The following LRP1B variants were observed in gnomAD, a reference collection of about 807,000 sequenced individuals.
LRP1B encodes the protein LDL receptor related protein 1B, also known as low-density lipoprotein receptor-related protein 1B.
Under a neutral mutation model 556.6 loss-of-function variants are expected in LRP1B, and 217 were observed. That is an observed-to-expected ratio of 0.39 (90% CI 0.35 to 0.44). The LOEUF (loss-of-function observed/expected upper bound fraction) is 0.44, where lower values mean the gene tolerates loss of function less well. Ranked by LOEUF, LRP1B falls within the 20% of genes least tolerant of loss-of-function variation. The probability of loss-of-function intolerance (pLI) is 1.00; values close to 1 mark genes in which losing one functional copy is unlikely to be tolerated. For missense variants in LRP1B, 5,053 were observed against 5,620.8 expected (o/e 0.90, Z 3.23); for synonymous variants, 2,047 against 1,865.8 (o/e 1.10, Z -2.50).
intron 41 of LRP1B, chr2:140,683,417 C>T: frequency 1.9e-6 from 1 of 531,996 alleles, no homozygotes; most frequent in Non-Finnish European, 3.6e-6. Flanking sequence ...AATGGGTTAT[C>T]AGTTGAGGTG....
intron 2 of LRP1B, among the ~76,000 whole-genome samples, chr2:141,650,833 G>T (rs950448373): frequency 6.6e-6 from 1 of 151,992 alleles, no homozygotes; most frequent in Non-Finnish European, 1.5e-5. Flanking sequence ...CACTAATCCC[G>T]AATTTATCTT....
intron 6 of LRP1B, among the ~76,000 whole-genome samples, chr2:141,191,184 T>G (rs543124955): frequency 6.6e-6 from 1 of 152,098 alleles, no homozygotes; most frequent in South Asian, 2.1e-4. Flanking sequence ...ACCATCTCTT[T>G]GGGTCTTCAT....
chr2:141,348,271 A>G (rs1338629818), intron 3 of LRP1B, among the ~76,000 whole-genome samples: 2 of 152,062 alleles, frequency 1.3e-5, no homozygotes, highest in Non-Finnish European at 2.9e-5. Flanking sequence ...AGAGGGTGGA[A>G]GAAGGGGAAC....
chr2:141,314,859 T>TATATATAC (rs200158135), intron 3 of LRP1B, among the ~76,000 whole-genome samples: 14,752 of 136,904 alleles, frequency 0.11, 1,167 homozygotes, highest in African/African-American at 0.19. Flanking sequence ...TATATATACA[T>TATATATAC]ATATATACAT....
intron 1 of LRP1B, among the ~76,000 whole-genome samples, chr2:141,849,454 C>G (rs1697769951): frequency 6.6e-6 from 1 of 151,526 alleles, no homozygotes; most frequent in African/African-American, 2.4e-5. Context: ...ACATTATGCC[C>G]AAATATCTAA....
intron 37 of LRP1B, among the ~76,000 whole-genome samples, chr2:140,704,774 T>G (rs931063133): frequency 3.3e-5 from 5 of 152,140 alleles, no homozygotes; most frequent in Non-Finnish European, 7.4e-5. Context: ...ATCATCTATT[T>G]TTAACATATT....
At chr2:140,797,857 A>G (rs1310743429) in intron 32 of LRP1B, among the ~76,000 whole-genome samples, 1 of 152,144 alleles carries the variant, frequency 6.6e-6, no homozygotes, top group African/African-American at 2.4e-5. Flanking sequence ...ATGACAAAAT[A>G]GTCAGTTTGC....
At chr2:140,451,598 T>C (rs1686888515) in intron 62 of LRP1B, among the ~76,000 whole-genome samples, 1 of 152,180 alleles carries the variant, frequency 6.6e-6, no homozygotes, top group African/African-American at 2.4e-5. Context: ...CTGAAAATAC[T>C]GCCTTTAGCC....
At chr2:140,734,093 T>C (rs1036676580) in intron 35 of LRP1B, among the ~76,000 whole-genome samples, 2 of 152,186 alleles carry the variant, frequency 1.3e-5, no homozygotes, top group Non-Finnish European at 2.9e-5. Context: ...ATGGGGCAGA[T>C]AAATTGAAAA....
intron 58 of LRP1B, among the ~76,000 whole-genome samples, chr2:140,486,264 C>T (rs1246520284): frequency 1.3e-5 from 2 of 151,722 alleles, no homozygotes; most frequent in South Asian, 2.1e-4. Context: ...CAAGAAAATG[C>T]CAATAAAATT....
chr2:142,120,917 C>T (rs943529946), intron 1 of LRP1B, among the ~76,000 whole-genome samples: 1 of 152,088 alleles, frequency 6.6e-6, no homozygotes, highest in Non-Finnish European at 1.5e-5. Flanking sequence ...ATATGACCAT[C>T]ATGTGACTTT....
intron 7 of LRP1B, among the ~76,000 whole-genome samples, chr2:141,169,176 C>T (rs1347811223): frequency 1.3e-5 from 2 of 151,582 alleles, no homozygotes; most frequent in Admixed American, 6.6e-5. Flanking sequence ...GTCCCAGCTA[C>T]TTGGGAGGCT....
chr2:140,587,945 A>T (rs578200647), intron 43 of LRP1B, among the ~76,000 whole-genome samples: 3 of 152,290 alleles, frequency 2.0e-5, no homozygotes, highest in African/African-American at 7.2e-5. Context: ...ATATTTCTCA[A>T]ATATGAAATG....
intron 1 of LRP1B, among the ~76,000 whole-genome samples, chr2:142,027,839 A>G (rs1703561989): frequency 6.6e-6 from 1 of 151,942 alleles, no homozygotes; most frequent in Non-Finnish European, 1.5e-5. Flanking sequence ...TCTTTCATTC[A>G]AAATCTGTAG....
At chr2:140,737,598 C>G (rs772965809) in intron 35 of LRP1B, among the ~76,000 whole-genome samples, 4 of 152,146 alleles carry the variant, frequency 2.6e-5, no homozygotes, top group Non-Finnish European at 4.4e-5. Flanking sequence ...AGAGCAATCA[C>G]AGTGGAAAGG....
chr2:140,335,539 GAC>G (rs1681041400), intron 78 of LRP1B, 74 bp downstream of exon 78: 2 of 891,972 alleles, frequency 2.2e-6, no homozygotes, highest in Non-Finnish European at 3.8e-6. Flanking sequence ...TCATTACAGA[GAC>G]AAAATCTATA....
chr2:140,272,258 A>AACACACACACACACACACACACACACAC (rs10654741), intron 85 of LRP1B, among the ~76,000 whole-genome samples: 2 of 149,320 alleles, frequency 1.3e-5, no homozygotes, highest in African/African-American at 4.9e-5. Flanking sequence ...TGCACACACA[A>AACACACACACACACACACACACACACAC]ACACACACAC....
intron 7 of LRP1B, among the ~76,000 whole-genome samples, chr2:141,128,188 A>G (rs185360659): frequency 2.2e-4 from 33 of 152,218 alleles, no homozygotes; most frequent in African/African-American, 7.7e-4. Context: ...AGAGTAATTT[A>G]TGTTTGGATT....
chr2:141,781,108 C>T (rs900850936), intron 2 of LRP1B, among the ~76,000 whole-genome samples: 2 of 152,006 alleles, frequency 1.3e-5, no homozygotes, highest in African/African-American at 4.8e-5. Context: ...TCTATTTCTG[C>T]CTATTTCTCC....
Sources: allele counts gnomAD v4.1 joint callset (sites outside exome capture counted in the v4.1 genomes callset), GRCh38; gene constraint gnomAD v4.1.1; transcripts MANE v1.5; gene names NCBI Gene and HGNC (gene_info 2026-07-23, HGNC 2026-07-21).